The following SORCS2 variants were observed in gnomAD, a reference collection of about 807,000 sequenced individuals.
SORCS2 encodes the protein VPS10 domain-containing receptor SorCS2.
Under a neutral mutation model 141.6 loss-of-function variants are expected in SORCS2, and 100 were observed. That is an observed-to-expected ratio of 0.71 (90% confidence interval 0.60 to 0.83). SORCS2 has a LOEUF of 0.83. SORCS2 is among the 40% of genes least tolerant of loss of function. The pLI is 0.00. For synonymous variants in SORCS2, 789 were observed against 676.9 expected, an observed-to-expected ratio of 1.17 and a Z score of -2.57; for missense variants, 1,646 against 1,560.2, an observed-to-expected ratio of 1.05 and a Z score of -0.93.
chr4:7,278,267 G>A (rs1007282716), intron 1 of SORCS2, among the ~76,000 whole-genome samples: 11 of 152,232 alleles, frequency 7.2e-5, no homozygotes, highest in African/African-American at 2.2e-4. Flanking sequence ...TCTCCTCTGA[G>A]CAGCCTGGAG....
intron 14 of SORCS2, 41 bp from the exon 15 acceptor site, chr4:7,712,692 G>T (rs368041830): frequency 4.6e-5 from 74 of 1,613,036 alleles, no homozygotes; most frequent in Non-Finnish European, 5.9e-5. Flanking sequence ...AAGGCCTAAT[G>T]AAGGTGGTTT....
chr4:7,587,871 T>C (rs764419548), intron 3 of SORCS2, among the ~76,000 whole-genome samples: 4 of 152,184 alleles, frequency 2.6e-5, no homozygotes, highest in Non-Finnish European at 5.9e-5. Flanking sequence ...GGGAATTTGT[T>C]TTTAGAGTCC....
chr4:7,421,815 C>T (rs73084292), intron 2 of SORCS2, among the ~76,000 whole-genome samples: 1 of 147,918 alleles, frequency 6.8e-6, no homozygotes, highest in Non-Finnish European at 1.5e-5. Flanking sequence ...GTCACTGAGG[C>T]CTCCTGCCTG....
intron 9 of SORCS2, among the ~76,000 whole-genome samples, chr4:7,681,008 T>C (rs1286431857): frequency 6.6e-6 from 1 of 152,276 alleles, no homozygotes; most frequent in Non-Finnish European, 1.5e-5. Flanking sequence ...ATGACTCAGA[T>C]GATAAGGTTT....
chr4:7,302,769 A>ATGTGTGTGTG (rs138338129), intron 1 of SORCS2, among the ~76,000 whole-genome samples: 77 of 145,900 alleles, frequency 5.3e-4, no homozygotes, highest in South Asian at 8.9e-4. Context: ...CAGTCCACAT[A>ATGTGTGTGTG]TGTGTGTGTG....
chr4:7,706,728 G>GGC (rs1725489374), intron 14 of SORCS2, among the ~76,000 whole-genome samples: 1 of 143,672 alleles, frequency 7.0e-6, no homozygotes, highest in African/African-American at 2.6e-5. Flanking sequence ...GATGAGGCTG[G>GGC]GCTCTGCCTG....
intron 3 of SORCS2, among the ~76,000 whole-genome samples, chr4:7,636,078 C>T (rs1485059540): frequency 6.6e-6 from 1 of 152,206 alleles, no homozygotes; most frequent in East Asian, 1.9e-4. Context: ...CCACTGCCCT[C>T]CCCAGGAAAG....
chr4:7,447,631 G>A (rs1017738678), intron 2 of SORCS2, among the ~76,000 whole-genome samples: 2 of 152,144 alleles, frequency 1.3e-5, no homozygotes, highest in Non-Finnish European at 2.9e-5. Flanking sequence ...CATGCATTGG[G>A]ACTGTGGACC....
chr4:7,593,386 T>C (rs893946526), intron 3 of SORCS2, among the ~76,000 whole-genome samples: 4 of 152,148 alleles, frequency 2.6e-5, no homozygotes, highest in African/African-American at 7.2e-5. Context: ...GGAGGTACTG[T>C]TGCAGTCTTC....
chr4:7,307,291 AC>A (rs1303049682), intron 1 of SORCS2, among the ~76,000 whole-genome samples: 3 of 151,910 alleles, frequency 2.0e-5, no homozygotes. Context: ...TCCATGCATG[AC>A]TCTCCTCTCC....
chr4:7,631,159 C>T (rs757888259), intron 3 of SORCS2, among the ~76,000 whole-genome samples: 12 of 150,802 alleles, frequency 8.0e-5, no homozygotes, highest in Non-Finnish European at 1.5e-4. Flanking sequence ...GGGTTGGAGC[C>T]CTGCCAGAGG....
At position 7,703,359 on chromosome 4, in the gene SORCS2, T is replaced by G; in HGVS notation, c.1748T>G (p.Leu583Trp). The G allele has an allele frequency of 6.2e-7, 1 of 1,612,924 alleles. No homozygotes were observed. Among genetic ancestry groups the G allele is most frequent in the African/African-American group, 1.3e-5 (1 of 75,024 alleles). ...IVAIKDTSIP[L>W]KILKFSVDEG... ...GCCATCAAAGACACCTCCATCCCTT[T>G]GAAGATCCTCAAGTAATGGCGTCTG... is the stretch of plus-strand genomic sequence containing the variant. Residue 583 changes from leucine to tryptophan, a missense_variant, in exon 13 of 27, where the codon TTG (leucine) becomes TGG (tryptophan). Leu to Trp is a moderately conservative substitution (Grantham distance 61, BLOSUM62 -2). Transcript: ENST00000507866.
At chr4:7,594,790 C>T (rs116584160) in intron 3 of SORCS2, among the ~76,000 whole-genome samples, 1,761 of 152,174 alleles carry the variant, frequency 0.012, 35 homozygotes, top group African/African-American at 0.04. Flanking sequence ...TGCTCATCCA[C>T]GATGGGGCGA....
intron 1 of SORCS2, among the ~76,000 whole-genome samples, chr4:7,275,792 T>C (rs1017049169): frequency 1.3e-5 from 2 of 152,190 alleles, no homozygotes; most frequent in Non-Finnish European, 2.9e-5. Context: ...AGCTTTGATG[T>C]GTAGTGTCGT....
At chr4:7,623,151 T>C (rs1719312560) in intron 3 of SORCS2, among the ~76,000 whole-genome samples, 2 of 152,066 alleles carry the variant, frequency 1.3e-5, no homozygotes, top group African/African-American at 4.8e-5. Context: ...TGATAATCAG[T>C]AGTCCTCAGA....
chr4:7,581,450 T>C (rs1716138046), intron 3 of SORCS2, among the ~76,000 whole-genome samples: 1 of 152,224 alleles, frequency 6.6e-6, no homozygotes, highest in South Asian at 2.1e-4. Context: ...CCATGGCCTT[T>C]TGATCACAGA....
rs9997576 is a variant in SORCS2 at position 7,683,347 on chromosome 4, C to T, written c.1488+458C>T. ...CTGACCTTGGCTGGGCTCCGCTGAG[C>T]GGCTCTGCTGATCTTGTCTGGGCTC... is the stretch of plus-strand genomic sequence containing the variant. On this transcript the variant is annotated intron_variant, in intron 10 of 26. Coordinates refer to ENST00000507866, the MANE Select transcript of SORCS2 (RefSeq NM_020777.3). Among the ~76,000 whole-genome samples, 144 of 52,644 alleles carry T rather than the reference C, an allele frequency of 2.7e-3. 4 individuals carry two copies. Among genetic ancestry groups the T allele is most frequent in the African/African-American group, 7.6e-3 (98 of 12,910 alleles). The allele number at this position is 52,644 out of a possible 152,430, so 34.5% of individuals were successfully genotyped here.
intron 2 of SORCS2, among the ~76,000 whole-genome samples, chr4:7,496,304 A>C (rs963633525): frequency 6.6e-6 from 1 of 152,070 alleles, no homozygotes; most frequent in Admixed American, 6.5e-5. Flanking sequence ...GTGAGATCCA[A>C]GGTCCGGCTG....
intron 18 of SORCS2, among the ~76,000 whole-genome samples, chr4:7,722,900 C>A (rs1049672239): frequency 6.6e-6 from 1 of 152,128 alleles, no homozygotes; most frequent in African/African-American, 2.4e-5. Context: ...CCTCCATCAT[C>A]ACTAGGAAAC....
Sources: gnomAD v4.1 joint callset for allele counts (sites outside exome capture counted in the v4.1 genomes callset) on GRCh38, gnomAD v4.1.1 for gene constraint, MANE v1.5 for transcripts, NCBI Gene and HGNC (gene_info 2026-07-23, HGNC 2026-07-21) for gene names.